Variants in BRINP1 observed in about 807,000 individuals in gnomAD.
BRINP1 encodes BMP/retinoic acid-inducible neural-specific protein 1.
In BRINP1, 17 loss-of-function variants were observed where a neutral mutation model predicts 72.9. The ratio of observed to expected loss-of-function variants is 0.23; its 90% CI spans 0.16 to 0.35. The LOEUF (loss-of-function observed/expected upper bound fraction) is 0.35, where lower values mean the gene tolerates loss of function less well. Ranked by LOEUF, BRINP1 falls within the 10% of genes least tolerant of loss-of-function variation. The pLI is 1.00. For synonymous variants in BRINP1, 418 were observed against 378.5 expected (o/e 1.10, Z -1.21); for missense variants, 850 against 1,001.6 (o/e 0.85, Z 2.04).
intron 2 of BRINP1, among the ~76,000 whole-genome samples, chr9:119,289,588 G>A (rs995854585): frequency 6.6e-6 from 1 of 152,176 alleles, no homozygotes; most frequent in Non-Finnish European, 1.5e-5. Flanking sequence ...TGCAGAAAGT[G>A]AGAAAACACA....
At position 119,328,523 on chromosome 9, in the gene BRINP1, T is replaced by C. The variant is rs1445862837; in HGVS notation, c.-50-15118A>G. The stretch of plus-strand genomic sequence containing the variant: ...ATAGACCTAGAATTAAATAATAGAA[T>C]ATGAGACAGAAAGATAATTAGCACT... On this transcript the variant is annotated intron_variant, in intron 1 of 7. Transcript: ENST00000265922. Among the ~76,000 whole-genome samples the C allele has an allele frequency of 2.6e-5, 4 of 152,104 alleles. No individual in the cohort carries two copies. In the South Asian group the frequency reaches 6.2e-4, roughly 24 times the overall value.
chr9:119,367,841 T>G (rs1339721398), intron 1 of BRINP1, among the ~76,000 whole-genome samples: 1 of 152,164 alleles, frequency 6.6e-6, no homozygotes, highest in African/African-American at 2.4e-5. Context: ...TCCCTCTCTC[T>G]CGCTCTTGCT....
intron 2 of BRINP1, among the ~76,000 whole-genome samples, chr9:119,250,221 T>A (rs1221080947): frequency 6.6e-6 from 1 of 152,142 alleles, no homozygotes; most frequent in East Asian, 1.9e-4. Flanking sequence ...AGGACTGTTC[T>A]AGGATAATCC....
At chr9:119,279,783 G>A (rs934279132) in intron 2 of BRINP1, among the ~76,000 whole-genome samples, 9 of 152,142 alleles carry the variant, frequency 5.9e-5, no homozygotes, top group African/African-American at 1.9e-4. Flanking sequence ...AAGGAATGCT[G>A]GAAATTGCGT....
chr9:119,199,419 G>A (rs562933594), intron 7 of BRINP1, among the ~76,000 whole-genome samples: 1 of 152,284 alleles, frequency 6.6e-6, no homozygotes, highest in Admixed American at 6.5e-5. Flanking sequence ...TATGTTAAAA[G>A]CTGACATGAG....
intron 1 of BRINP1, among the ~76,000 whole-genome samples, chr9:119,342,182 G>C (rs1214928587): frequency 2.6e-5 from 4 of 151,732 alleles, no homozygotes; most frequent in African/African-American, 9.7e-5. Context: ...ATTGTTTTTT[G>C]GTTTTCACTA....
intron 5 of BRINP1, among the ~76,000 whole-genome samples, chr9:119,231,475 A>C (rs1014059294): frequency 1.3e-5 from 2 of 152,132 alleles, no homozygotes; most frequent in African/African-American, 4.8e-5. Flanking sequence ...GAAAAGAAAA[A>C]TATCACTTTA....
chr9:119,251,560 T>C (rs1209566294), intron 2 of BRINP1, among the ~76,000 whole-genome samples: 3 of 152,024 alleles, frequency 2.0e-5, no homozygotes, highest in Admixed American at 6.6e-5. Flanking sequence ...CTGGACAACA[T>C]AGTGAGACCT....
intron 2 of BRINP1, among the ~76,000 whole-genome samples, chr9:119,299,820 A>G (rs1390867014): frequency 2.6e-5 from 4 of 152,146 alleles, no homozygotes; most frequent in Admixed American, 1.3e-4. Context: ...AGTTGACTCC[A>G]TATCTTGGCT....
At chr9:119,243,208 C>G (rs1238959994) in intron 3 of BRINP1, among the ~76,000 whole-genome samples, 7 of 152,046 alleles carry the variant, frequency 4.6e-5, no homozygotes, top group Non-Finnish European at 1.0e-4. Flanking sequence ...CCTAACGCTC[C>G]CCCACCCTAC....
At chr9:119,357,160 C>A (rs1245299518) in intron 1 of BRINP1, among the ~76,000 whole-genome samples, 1 of 152,200 alleles carries the variant, frequency 6.6e-6, no homozygotes, top group Non-Finnish European at 1.5e-5. Context: ...AAGAAGAAAT[C>A]TGCTTTGGAC....
In BRINP1 at chr9:119,369,048, C is replaced by T; in HGVS notation, c.-51+8G>A. ...GGCTGCGGGGCGCTGCACCCGGCGC[C>T]GCCTTACCTGGAGTCAATGTCCGTC... is the stretch of plus-strand genomic sequence containing the variant. On this transcript the variant is annotated splice_region_variant and intron_variant, in intron 1 of 7. Transcript: ENST00000265922. 2.5e-6 allele frequency: 1 copy of T among 396,188 alleles called. No individual in the cohort carries two copies. Among genetic ancestry groups the T allele is most frequent in the Non-Finnish European group, 4.4e-6 (1 of 224,910 alleles). 24.5% of individuals were successfully genotyped at this position (396,188 alleles called of 1,614,324 possible).
rs545463228 is a variant in BRINP1 at position 119,261,217 on chromosome 9, A to G, written c.219-12067T>C. ...ATTCAGAATCCAACGGGTGGTTGGAAAGCGTTATTGTTGTCCATTCTTAAC... is the reference window on the plus strand; with the variant it reads ...ATTCAGAATCCAACGGGTGGTTGGAGAGCGTTATTGTTGTCCATTCTTAAC... On this transcript the variant is annotated intron_variant, in intron 2 of 7. Coordinates refer to ENST00000265922, the MANE Select transcript of BRINP1 (RefSeq NM_014618.3). Among the ~76,000 whole-genome samples the G allele has an allele frequency of 2.0e-5, 3 of 152,274 alleles. No homozygotes were observed. In the East Asian group the frequency reaches 5.8e-4, roughly 29 times the overall value.
chr9:119,203,674 C>T (rs996064376), intron 7 of BRINP1, among the ~76,000 whole-genome samples: 1 of 152,068 alleles, frequency 6.6e-6, no homozygotes, highest in African/African-American at 2.4e-5. Context: ...AACCGGGTGA[C>T]GAAGTTGGAA....
chr9:119,313,786 A>T (rs540944498), intron 1 of BRINP1, among the ~76,000 whole-genome samples: 1 of 152,304 alleles, frequency 6.6e-6, no homozygotes, highest in South Asian at 2.1e-4. Flanking sequence ...AAAATGAATA[A>T]ATGAATTAAT....
At chr9:119,287,965 C>T (rs1008086915) in intron 2 of BRINP1, among the ~76,000 whole-genome samples, 15 of 152,078 alleles carry the variant, frequency 9.9e-5, no homozygotes, top group African/African-American at 3.6e-4. Context: ...TGTAACAAAC[C>T]TGCACATGTA....
chr9:119,260,768 AT>A (rs1830487411), intron 2 of BRINP1, among the ~76,000 whole-genome samples: 1 of 152,208 alleles, frequency 6.6e-6, no homozygotes, highest in Admixed American at 6.5e-5. Context: ...GGAATTTATA[AT>A]TTGATGATTA....
At chr9:119,225,266 A>G (rs7867310) in intron 5 of BRINP1, among the ~76,000 whole-genome samples, 77,937 of 151,786 alleles carry the variant, frequency 0.51, 20,291 homozygotes, top group Middle Eastern at 0.71. Flanking sequence ...TGTAAAATGG[A>G]GGAAGCCAGA....
intron 5 of BRINP1, among the ~76,000 whole-genome samples, chr9:119,214,866 T>C (rs1467247326): frequency 1.3e-5 from 2 of 152,302 alleles, no homozygotes; most frequent in East Asian, 1.9e-4. Flanking sequence ...AAAGGCATCA[T>C]GTGTCTGGAA....
Sources: allele counts gnomAD v4.1 joint callset (sites outside exome capture counted in the v4.1 genomes callset), GRCh38; gene constraint gnomAD v4.1.1; transcripts MANE v1.5; gene names NCBI Gene and HGNC (gene_info 2026-07-23, HGNC 2026-07-21).